The following SURF6 variants were observed in gnomAD, a reference collection of about 807,000 sequenced individuals.
The protein encoded by SURF6 is surfeit 6.
SURF6 carries 28 observed loss-of-function variants against 37.5 expected under a neutral mutation model. That is an observed-to-expected ratio of 0.75 (90% CI 0.55 to 1.02). SURF6 has a LOEUF of 1.02. SURF6 is among the 50% of genes least tolerant of loss of function. The pLI is 0.00. For missense variants in SURF6, 560 were observed against 490.5 expected (o/e 1.14, Z -1.34); for synonymous variants, 248 against 210.9 (o/e 1.18, Z -1.52).
rs2129911164 is a variant in SURF6 at position 133,331,719 on chromosome 9, GC to G, written c.*149del. ...TTCTCACATGGGATCTGTGATCTGG[GC>G]CCTCACAACTCAGCAGAGCACCACT... On this transcript the variant is annotated 3_prime_UTR_variant, in exon 5 of 5. Coordinates refer to ENST00000372022, the MANE Select transcript of SURF6 (RefSeq NM_006753.6). 3.8e-5 allele frequency: 38 copies of G among 1,005,028 alleles called. No homozygotes were observed. The highest frequency in any genetic ancestry group is 1.1e-4 in the Admixed American group (3 of 26,512). 62.3% of individuals were successfully genotyped at this position (1,005,028 alleles called of 1,614,324 possible).
Position 133,336,113 on chromosome 9 carries a change from T to C in SURF6, c.20A>G (p.Lys7Arg), listed in dbSNP as rs2129934208. The change falls in exon 1 of 5, where the codon AAG (lysine) becomes AGG (arginine). Residue 7 changes from lysine (K) to arginine (R), a missense_variant. By Grantham distance (26) the Lys-to-Arg change is conservative. Transcript: ENST00000372022. ...GGCCAGGCTCTGCAGGTAGGCGTCC[T>C]TGGCGAGTAGAGAGGCCATGGCGGA... MASLLAKDAYLQSLAKK... is the reference protein window; with the variant it reads MASLLARDAYLQSLAKK... 3.1e-5 allele frequency: 50 copies of C among 1,612,464 alleles called. No homozygotes were observed. The highest frequency in any genetic ancestry group is 4.1e-5 in the Non-Finnish European group (48 of 1,179,776).
Position 133,336,166 on chromosome 9 carries a change from TC to T in SURF6, c.-35del, listed in dbSNP as rs2129934882. On this transcript the variant is annotated 5_prime_UTR_variant, in exon 1 of 5. Coordinates refer to ENST00000372022, the MANE Select transcript of SURF6 (RefSeq NM_006753.6). The stretch of plus-strand genomic sequence containing the variant: ...CCCGGGCCGTTCACGACTCACACCT[TC>T]CCCGCTGCGCGTGCGACTCTCACCA... 2.5e-6 allele frequency: 4 copies of T among 1,569,768 alleles called. No individual in the cohort carries two copies. The South Asian group carries it at 4.5e-5, about 18-fold the overall frequency.
In SURF6 at chr9:133,334,444, C is replaced by T. The variant is rs1272939752; in HGVS notation, c.252G>A (p.Glu84=). Residue 84 remains glutamate, a synonymous_variant, in exon 2 of 5, where the codon GAG becomes GAA. Coordinates refer to ENST00000372022, the MANE Select transcript of SURF6 (RefSeq NM_006753.6). The part of the protein sequence containing the change: ...SPAASGARRP[E]AAKEEAAWAS... ...CCCAAGCTGCTTCCTCTTTGGCTGC[C>T]TCAGGCCTCCTGGCCCCAGAGGCTG... 2 of 1,613,932 alleles carry T rather than the reference C, an allele frequency of 1.2e-6. No individual in the cohort carries two copies. The highest frequency in any genetic ancestry group is 2.2e-5 in the East Asian group (1 of 44,890).
At chr9:133,333,162 C>A (rs1401784749) in intron 3 of SURF6, among the ~76,000 whole-genome samples, 1 of 152,186 alleles carries the variant, frequency 6.6e-6, no homozygotes, top group East Asian at 1.9e-4. Context: ...ATGGCCTTTC[C>A]CATCCCCGGG....
Position 133,336,058 on chromosome 9 carries a change from T to C in SURF6, c.75A>G (p.Glu25=), listed in dbSNP as rs2129933778. 2 of 1,612,178 alleles carry C rather than the reference T, an allele frequency of 1.2e-6. No homozygotes were observed. Among genetic ancestry groups the C allele is most frequent in the East Asian group, 2.2e-5 (1 of 44,844 alleles). ...CGTTACCCCGCGTGCGCGCCTGCTG[T>C]TCCGGGGCCGAATGGGAGCAGATCT... ...AKKICSHSAP[E]QQARTRAGKT... Residue 25 remains glutamate, a synonymous_variant, in exon 1 of 5, where the codon GAA becomes GAG. Coordinates refer to ENST00000372022, the MANE Select transcript of SURF6 (RefSeq NM_006753.6).
intron 3 of SURF6, chr9:133,333,016 A>G (rs1201616711): frequency 2.5e-5 from 14 of 557,350 alleles, no homozygotes; most frequent in Non-Finnish European, 3.2e-5. Flanking sequence ...CATTACGCAC[A>G]TGGTTTCAAA....
Position 133,332,129 on chromosome 9 carries a change from T to G in SURF6, c.826A>C (p.Lys276Gln), listed in dbSNP as rs1214159464. 1 of 1,610,576 alleles carries G rather than the reference T, an allele frequency of 6.2e-7. No individual in the cohort carries two copies. Among genetic ancestry groups the G allele is most frequent in the Non-Finnish European group, 8.5e-7 (1 of 1,179,936 alleles). ...AKMKWTNLLY[K>Q]AEGVKIRDDE... The stretch of plus-strand genomic sequence containing the variant: ...TCACGGATCTTCACGCCCTCCGCCT[T>G]GTAGAGGAGGTTGGTCCACTTCATC... The change falls in exon 5 of 5, where the codon AAG becomes CAG. Residue 276 changes from lysine to glutamine, a missense_variant. Coordinates refer to ENST00000372022, the MANE Select transcript of SURF6 (RefSeq NM_006753.6).
At position 133,332,129 on chromosome 9, in the gene SURF6, T is replaced by C. The variant is rs1214159464; in HGVS notation, c.826A>G (p.Lys276Glu). 6.2e-7 allele frequency: 1 copy of C among 1,610,694 alleles called. No homozygotes were observed. Among genetic ancestry groups the C allele is most frequent in the Non-Finnish European group, 8.5e-7 (1 of 1,179,928 alleles). The change falls in exon 5 of 5, where the codon AAG becomes GAG. Residue 276 changes from lysine to glutamate, a missense_variant. Lys to Glu is a moderately conservative substitution (Grantham distance 56, BLOSUM62 1). Coordinates refer to ENST00000372022, the MANE Select transcript of SURF6 (RefSeq NM_006753.6). ...AKMKWTNLLY[K>E]AEGVKIRDDE... ...TCACGGATCTTCACGCCCTCCGCCT[T>C]GTAGAGGAGGTTGGTCCACTTCATC...
chr9:133,332,396 C>T, intron 4 of SURF6, 48 bp from the exon 5 acceptor site: 1 of 1,536,338 alleles, frequency 6.5e-7, no homozygotes, highest in Non-Finnish European at 8.7e-7. Flanking sequence ...GCACTAGGCC[C>T]CAGCCTTGGC....
At position 133,336,159 on chromosome 9, in the gene SURF6, C is replaced by T. The variant is rs2129934839; in HGVS notation, c.-27G>A. The T allele has an allele frequency of 1.9e-6, 3 of 1,583,734 alleles. No homozygotes were observed. In the South Asian group the frequency reaches 3.3e-5, roughly 18 times the overall value. On this transcript the variant is annotated 5_prime_UTR_variant, in exon 1 of 5. Transcript: ENST00000372022. ...GCGGAGACCCGGGCCGTTCACGACT[C>T]ACACCTTCCCCGCTGCGCGTGCGAC...
intron 3 of SURF6, 23 bp from the exon 4 acceptor site, chr9:133,332,783 C>T: frequency 6.2e-7 from 1 of 1,604,232 alleles, no homozygotes; most frequent in Non-Finnish European, 8.5e-7. Context: ...GGCACCCACT[C>T]ATTAAAGTTC....
rs2129934789 is a variant in SURF6, at chr9:133,336,153, ACGACTCACACCTTCCCCGCTGCGCGTG to A, written c.-48_-22del. The stretch of plus-strand genomic sequence containing the variant: ...GCCATGGCGGAGACCCGGGCCGTTC[ACGACTCACACCTTCCCCGCTGCGCGTG>A]CGACTCTCACCACCTCCGCCGGAAA... On this transcript the variant is annotated 5_prime_UTR_variant, in exon 1 of 5. Coordinates refer to ENST00000372022, the MANE Select transcript of SURF6 (RefSeq NM_006753.6). The A allele has an allele frequency of 1.7e-3, 2,778 of 1,599,922 alleles. 25 individuals carry two copies. The African/African-American group carries it at 0.026, about 15-fold the overall frequency.
chr9:133,335,689 T>A (rs1417000204), intron 1 of SURF6, among the ~76,000 whole-genome samples: 3 of 146,406 alleles, frequency 2.0e-5, no homozygotes, highest in African/African-American at 5.1e-5. Context: ...TGACCATTAC[T>A]CCTGTCTCTA....
rs150801858 is a variant in SURF6, at chr9:133,331,007, G to A, written c.*862C>T. On this transcript the variant is annotated 3_prime_UTR_variant, in exon 5 of 5. Coordinates refer to ENST00000372022, the MANE Select transcript of SURF6 (RefSeq NM_006753.6). ...TTACAGTCTTTGTCTCATAACCGGAGAGTTTCATCAAAAGAATTTTATTTA... is the reference window on the plus strand; with the variant it reads ...TTACAGTCTTTGTCTCATAACCGGAAAGTTTCATCAAAAGAATTTTATTTA... 3 of 151,758 alleles carry A rather than the reference G, an allele frequency of 2.0e-5. No individual in the cohort carries two copies. The highest frequency in any genetic ancestry group is 1.9e-4 in the East Asian group (1 of 5,182). The allele number at this position is 151,758 out of a possible 1,614,324, so 9.4% of individuals were successfully genotyped here. A position where few individuals can be genotyped will look rare whatever the true frequency, so the allele number is the denominator to read the frequency against.
intron 1 of SURF6, among the ~76,000 whole-genome samples, chr9:133,335,039 A>G (rs1835837813): frequency 6.6e-6 from 1 of 152,190 alleles, no homozygotes; most frequent in Non-Finnish European, 1.5e-5. Context: ...TGCTCACTGC[A>G]AACTCCACTT....
In SURF6 at chr9:133,336,140, AC is replaced by A. The variant is rs1835872934; in HGVS notation, c.-9del. On this transcript the variant is annotated 5_prime_UTR_variant, in exon 1 of 5. Transcript: ENST00000372022. ...GGCGAGTAGAGAGGCCATGGCGGAG[AC>A]CCGGGCCGTTCACGACTCACACCTT... 2 of 1,609,056 alleles carry A rather than the reference AC, an allele frequency of 1.2e-6. No individual in the cohort carries two copies. The highest frequency in any genetic ancestry group is 1.3e-5 in the African/African-American group (1 of 74,438).
At chr9:133,333,069 C>T (rs2129922377) in intron 3 of SURF6, 1 of 413,844 alleles carries the variant, frequency 2.4e-6, no homozygotes, top group East Asian at 5.2e-5. Flanking sequence ...AAGACCACTG[C>T]CTAGAACTTG....
At position 133,332,958 on chromosome 9, in the gene SURF6, T is replaced by A. The variant is rs140673479; in HGVS notation, c.394-198A>T. Reference sequence around the variant, plus strand: ...CCAAAAGAGAGAAGGGACCCCCAAATAAGAATCACAGCTTCCAATTCCCGG... The same window carrying A: ...CCAAAAGAGAGAAGGGACCCCCAAAAAAGAATCACAGCTTCCAATTCCCGG... On this transcript the variant is annotated intron_variant, in intron 3 of 4. Coordinates refer to ENST00000372022, the MANE Select transcript of SURF6 (RefSeq NM_006753.6). The A allele has an allele frequency of 1.4e-3, 857 of 603,676 alleles. 5 individuals carry two copies. Among genetic ancestry groups the A allele is most frequent in the Admixed American group, 5.1e-3 (170 of 33,638 alleles). The allele number at this position is 603,676 out of a possible 1,614,324, so 37.4% of individuals were successfully genotyped here.
rs1212442288 is a variant in SURF6, at chr9:133,331,824, T to A, written c.*45A>T. The A allele has an allele frequency of 6.7e-7, 1 of 1,488,590 alleles. No individual in the cohort carries two copies. Among genetic ancestry groups the A allele is most frequent in the African/African-American group, 1.4e-5 (1 of 69,982 alleles). The allele number at this position is 1,488,590 out of a possible 1,614,324, so 92.2% of individuals were successfully genotyped here. A position where few individuals can be genotyped will look rare whatever the true frequency, so the allele number is the denominator to read the frequency against. Reference sequence around the variant, plus strand: ...AGCGTCAAGGACTCAGAGGGTGTCCTGGAGTCTCCTAGGACGGAAGACGGC... The same window carrying A: ...AGCGTCAAGGACTCAGAGGGTGTCCAGGAGTCTCCTAGGACGGAAGACGGC... On this transcript the variant is annotated 3_prime_UTR_variant, in exon 5 of 5. Coordinates refer to ENST00000372022, the MANE Select transcript of SURF6 (RefSeq NM_006753.6).
Sources: allele counts gnomAD v4.1 joint callset (sites outside exome capture counted in the v4.1 genomes callset), GRCh38; gene constraint gnomAD v4.1.1; transcripts MANE v1.5; gene names NCBI Gene and HGNC (gene_info 2026-07-23, HGNC 2026-07-21).